The following GAD2 variants were observed in gnomAD, a reference collection of about 807,000 sequenced individuals.
The protein encoded by GAD2 is 65 kDa glutamic acid decarboxylase.
A neutral mutation model predicts 80.1 loss-of-function variants in GAD2; 22 were observed. The observed-to-expected ratio is 0.27, with a 90% CI of 0.20 to 0.39. The LOEUF (loss-of-function observed/expected upper bound fraction) is 0.39, where lower values mean the gene tolerates loss of function less well. Among genes scored for constraint, GAD2 ranks in the 10% least tolerant of loss-of-function variants. GAD2 has a pLI of 1.00. For synonymous variants in GAD2, 274 were observed against 256.9 expected, an observed-to-expected ratio of 1.07 and a Z score of -0.64; for missense variants, 624 against 738.4, an observed-to-expected ratio of 0.85 and a Z score of 1.80.
chr10:26,295,269 A>C lies in GAD2; in HGVS notation c.1584+2278A>C, dbSNP rs548059115. 6.6e-5 allele frequency among the ~76,000 whole-genome samples: 10 copies of C among 152,278 alleles called. 1 individual carries two copies. In the South Asian group the frequency reaches 2.1e-3, roughly 32 times the overall value. ...CTGTTTTTATACTGTTGACAATTCA[A>C]ATATGAAAATCTCCGGGGATTGCAG... On this transcript the variant is annotated intron_variant, in intron 15 of 15. Transcript: ENST00000376261.
chr10:26,279,679 C>T (rs1317990458), intron 11 of GAD2, among the ~76,000 whole-genome samples: 1 of 152,192 alleles, frequency 6.6e-6, no homozygotes, highest in African/African-American at 2.4e-5. Flanking sequence ...ACCAGGACTA[C>T]AGCTCAGACT....
At chr10:26,296,981 C>A (rs1834281682) in intron 15 of GAD2, among the ~76,000 whole-genome samples, 1 of 152,074 alleles carries the variant, frequency 6.6e-6, no homozygotes, top group African/African-American at 2.4e-5. Context: ...GTGGTGCCAT[C>A]TCGGCTCACT....
At position 26,292,524 on chromosome 10, in the gene GAD2, C is replaced by T. The variant is rs2132320181; in HGVS notation, c.1446C>T (p.Tyr482=). The T allele has an allele frequency of 1.2e-6, 2 of 1,613,980 alleles. No homozygotes were observed. The highest frequency in any genetic ancestry group is 1.7e-6 in the Non-Finnish European group (2 of 1,179,914). The part of the protein sequence containing the change: ...DKCLELAEYL[Y]NIIKNREGYE... ...GTTTGGAGTTGGCAGAGTATTTATA[C>T]AACATCATAAAAAACCGAGAAGGAT... The change falls in exon 14 of 16, where the codon TAC becomes TAT. Residue 482 remains tyrosine (Y), a synonymous_variant. Transcript: ENST00000376261.
intron 8 of GAD2, among the ~76,000 whole-genome samples, chr10:26,260,889 GTATT>G (rs999922299): frequency 9.9e-5 from 15 of 152,264 alleles, no homozygotes; most frequent in African/African-American, 3.4e-4. Flanking sequence ...GCAAAGCTGA[GTATT>G]TATTTTATTT....
intron 8 of GAD2, among the ~76,000 whole-genome samples, chr10:26,246,689 C>T (rs1844814376): frequency 6.6e-6 from 1 of 152,194 alleles, no homozygotes; most frequent in Admixed American, 6.5e-5. Context: ...CAGATGTGTA[C>T]TGATTGCCCA....
intron 6 of GAD2, among the ~76,000 whole-genome samples, chr10:26,225,364 C>T (rs1844507893): frequency 6.6e-6 from 1 of 152,158 alleles, no homozygotes; most frequent in Admixed American, 6.5e-5. Flanking sequence ...GTTTACAGTT[C>T]TGTGTGTGAC....
At chr10:26,247,280 A>G (rs1252177950) in intron 8 of GAD2, among the ~76,000 whole-genome samples, 2 of 152,142 alleles carry the variant, frequency 1.3e-5, no homozygotes, top group African/African-American at 2.4e-5. Flanking sequence ...AGAGTGTAGC[A>G]GTGAGGAGGA....
chr10:26,242,163 T>C (rs1332596408), intron 7 of GAD2, among the ~76,000 whole-genome samples: 1 of 152,172 alleles, frequency 6.6e-6, no homozygotes, highest in Non-Finnish European at 1.5e-5. Flanking sequence ...TTTTTTTGTA[T>C]TTTTAGTAGA....
Position 26,217,558 on chromosome 10 carries a change from G to C in GAD2, c.77-52G>C. ...ACATAGAACGAAATTTCACACGTCC[G>C]TCTGTTGTTCTCTTTCTGCCTCGCT... On this transcript the variant is annotated intron_variant, in intron 1 of 15. Transcript: ENST00000376261. This position sits in a 1 kb window ranked among gnomAD's most constrained non-coding sequence, Gnocchi z 4.9. 6.4e-7 allele frequency: 1 copy of C among 1,552,784 alleles called. No individual in the cohort carries two copies. Among genetic ancestry groups the C allele is most frequent in the South Asian group, 1.2e-5 (1 of 86,086 alleles).
chr10:26,218,366 A>C, intron 3 of GAD2: 1 of 195,172 alleles, frequency 5.1e-6, no homozygotes, highest in Non-Finnish European at 1.0e-5. Flanking sequence ...AGAATTCAGA[A>C]TTGCATTTTT....
At chr10:26,292,823 T>A (rs1252424859) in intron 14 of GAD2, 79 bp from the exon 15 acceptor site, 2 of 1,171,710 alleles carry the variant, frequency 1.7e-6, no homozygotes, top group Non-Finnish European at 2.6e-6. Context: ...ACCTGCTGAA[T>A]ACATCGATTT....
intron 15 of GAD2, among the ~76,000 whole-genome samples, chr10:26,300,368 A>G (rs1464410497): frequency 6.6e-6 from 1 of 152,178 alleles, no homozygotes; most frequent in East Asian, 1.9e-4. Flanking sequence ...TTATCTTCAT[A>G]TATCACCTGA....
intron 7 of GAD2, among the ~76,000 whole-genome samples, chr10:26,245,132 G>A (rs1313063027): frequency 7.7e-6 from 1 of 130,000 alleles, no homozygotes; most frequent in Admixed American, 9.0e-5. Context: ...CAGCCTGGGC[G>A]ACAAGAGCAA....
chr10:26,255,424 C>G lies in GAD2; in HGVS notation c.920+9424C>G, dbSNP rs552031652. 1.9e-4 allele frequency among the ~76,000 whole-genome samples: 29 copies of G among 152,102 alleles called. No homozygotes were observed. The South Asian group carries it at 5.2e-3, about 27-fold the overall frequency. On this transcript the variant is annotated intron_variant, in intron 8 of 15. Transcript: ENST00000376261. ...GAGTGGTAGATGAGAAAAGGGAGAACTAATACAGGCAAGGTCCAGGAGGTG... is the reference window on the plus strand; with the variant it reads ...GAGTGGTAGATGAGAAAAGGGAGAAGTAATACAGGCAAGGTCCAGGAGGTG...
chr10:26,297,293 C>T (rs1834285061), intron 15 of GAD2, among the ~76,000 whole-genome samples: 1 of 152,100 alleles, frequency 6.6e-6, no homozygotes, highest in Non-Finnish European at 1.5e-5. Flanking sequence ...CGCAGTCTTC[C>T]AAAATGTAAA....
At position 26,300,930 on chromosome 10, in the gene GAD2, A is replaced by C; in HGVS notation, c.1727A>C (p.Glu576Ala). The change falls in exon 16 of 16, where the codon GAA becomes GCA. Residue 576 changes from glutamate to alanine, a missense_variant. Transcript: ENST00000376261. ...CACCAAGACATTGACTTCCTGATTG[A>C]AGAAATAGAACGCCTTGGACAAGAT... ...ATHQDIDFLI[E>A]EIERLGQDL 1 of 1,613,954 alleles carries C rather than the reference A, an allele frequency of 6.2e-7. No homozygotes were observed. Among genetic ancestry groups the C allele is most frequent in the Non-Finnish European group, 8.5e-7 (1 of 1,179,854 alleles).
In GAD2 at chr10:26,304,390, A is replaced by C. The variant is rs984618933; in HGVS notation, c.*3429A>C. On this transcript the variant is annotated 3_prime_UTR_variant, in exon 16 of 16. Coordinates refer to ENST00000376261, the MANE Select transcript of GAD2 (RefSeq NM_001134366.2). ...CAAATTGGTGTTTCTGAATGACATCAACATTCCCCCAACATTACTCCATTA... is the reference window on the plus strand; with the variant it reads ...CAAATTGGTGTTTCTGAATGACATCCACATTCCCCCAACATTACTCCATTA... The C allele has an allele frequency of 6.6e-6, 1 of 152,670 alleles. No individual in the cohort carries two copies. Among genetic ancestry groups the C allele is most frequent in the African/African-American group, 2.4e-5 (1 of 41,468 alleles). 9.5% of individuals were successfully genotyped at this position (152,670 alleles called of 1,614,324 possible). A position where few individuals can be genotyped will look rare whatever the true frequency, so the allele number is the denominator to read the frequency against.
At chr10:26,220,617 C>T (rs980076831) in intron 4 of GAD2, among the ~76,000 whole-genome samples, 1 of 152,204 alleles carries the variant, frequency 6.6e-6, no homozygotes, top group African/African-American at 2.4e-5. Context: ...CCTACCCCTC[C>T]TCAGCTTTTC....
At position 26,303,522 on chromosome 10, in the gene GAD2, A is replaced by AGGGAGGAAGGAAGGAAG. The variant is rs1372354775; in HGVS notation, c.*2562_*2563insGGAGGAAGGAAGGAAGG. ...GAGGGAGGGAGGGAGGAAAGAAGGGAGATTATTTTTAATATTAGCCCAAAT... is the reference window on the plus strand; with the variant it reads ...GAGGGAGGGAGGGAGGAAAGAAGGGAGGGAGGAAGGAAGGAAGGATTATTTTTAATATTAGCCCAAAT... On this transcript the variant is annotated 3_prime_UTR_variant, in exon 16 of 16. Coordinates refer to ENST00000376261, the MANE Select transcript of GAD2 (RefSeq NM_001134366.2). The AGGGAGGAAGGAAGGAAG allele has an allele frequency of 1.3e-5, 2 of 151,842 alleles. No individual in the cohort carries two copies. The highest frequency in any genetic ancestry group is 1.5e-5 in the Non-Finnish European group (1 of 67,908). The allele number at this position is 151,842 out of a possible 1,614,324, so 9.4% of individuals were successfully genotyped here. A position where few individuals can be genotyped will look rare whatever the true frequency, so the allele number is the denominator to read the frequency against.
Sources: allele counts gnomAD v4.1 joint callset (sites outside exome capture counted in the v4.1 genomes callset), GRCh38; gene constraint gnomAD v4.1.1; non-coding constraint Gnocchi (gnomAD v3.1); transcripts MANE v1.5; gene names NCBI Gene and HGNC (gene_info 2026-07-23, HGNC 2026-07-21).